Variants in MIB1 observed in about 807,000 individuals in gnomAD.
MIB1 encodes the protein E3 ubiquitin-protein ligase MIB1.
Under a neutral mutation model 124.5 loss-of-function variants are expected in MIB1, and 278 were observed. That is an observed-to-expected ratio of 2.23 (90% confidence interval 2.02 to 2.47). The LOEUF (loss-of-function observed/expected upper bound fraction) is 2.47. Ranked by LOEUF, MIB1 falls within the 30% of genes most tolerant of loss-of-function variation. The probability of loss-of-function intolerance (pLI) is 0.00; values close to 1 mark genes in which losing one functional copy is unlikely to be tolerated. For missense variants in MIB1, 957 were observed against 1,254.4 expected, an observed-to-expected ratio of 0.76 and a Z score of 3.58; for synonymous variants, 446 against 429.4, an observed-to-expected ratio of 1.04 and a Z score of -0.48.
In MIB1 at chr18:21,849,182, CT is replaced by C; in HGVS notation, c.2394-11del. Reference sequence around the variant, plus strand: ...AATAAGATAGGCTTGATTTGAAATACTTTCTTTTATTAGTGGTCAAGTGGGT... The same window carrying C: ...AATAAGATAGGCTTGATTTGAAATACTTCTTTTATTAGTGGTCAAGTGGGT... On this transcript the variant is annotated splice_polypyrimidine_tract_variant and intron_variant, in intron 16 of 20. Coordinates refer to ENST00000261537, the MANE Select transcript of MIB1 (RefSeq NM_020774.4). The C allele has an allele frequency of 6.8e-7, 1 of 1,479,512 alleles. No homozygotes were observed. 91.6% of individuals were successfully genotyped at this position (1,479,512 alleles called of 1,614,324 possible).
In MIB1 at chr18:21,847,136, T is replaced by C. The variant is rs2042142238; in HGVS notation, c.2393+11T>C. On this transcript the variant is annotated intron_variant, in intron 16 of 20. Coordinates refer to ENST00000261537, the MANE Select transcript of MIB1 (RefSeq NM_020774.4). ...TAAGGAAAAAGTCAGGTTTGTATTA[T>C]TTATTATCATAAAACTTAATATTCT... 1 of 1,608,162 alleles carries C rather than the reference T, an allele frequency of 6.2e-7. No individual in the cohort carries two copies. The highest frequency in any genetic ancestry group is 8.5e-7 in the Non-Finnish European group (1 of 1,175,356).
intron 10 of MIB1, among the ~76,000 whole-genome samples, chr18:21,814,580 C>T (rs2041807793): frequency 1.3e-5 from 2 of 151,828 alleles, no homozygotes; most frequent in African/African-American, 4.8e-5. Flanking sequence ...GACCCTGATT[C>T]TTTTTTTATT....
chr18:21,747,992 C>T (rs1865770434), intron 1 of MIB1, among the ~76,000 whole-genome samples: 1 of 152,236 alleles, frequency 6.6e-6, no homozygotes, highest in Admixed American at 6.5e-5. Flanking sequence ...CTGAATCAGA[C>T]ACACTTTTCA....
At chr18:21,707,926 G>A (rs1431006049) in intron 1 of MIB1, among the ~76,000 whole-genome samples, 13 of 152,156 alleles carry the variant, frequency 8.5e-5, no homozygotes, top group Admixed American at 8.5e-4. Context: ...TCAGGGTACC[G>A]ATGTGGTTGG....
At chr18:21,743,773 T>C (rs762976406) in intron 1 of MIB1, among the ~76,000 whole-genome samples, 1 of 152,226 alleles carries the variant, frequency 6.6e-6, no homozygotes, top group Non-Finnish European at 1.5e-5. Flanking sequence ...TATGAGGAAA[T>C]TTAAGTATCT....
rs540781943 is a variant in MIB1, at chr18:21,777,873, A to G, written c.637-230A>G. 3.3e-5 allele frequency among the ~76,000 whole-genome samples: 5 copies of G among 152,288 alleles called. No homozygotes were observed. In the South Asian group the frequency reaches 1.0e-3, roughly 32 times the overall value. The stretch of plus-strand genomic sequence containing the variant: ...GTGTACAGCCAGATTCAGACATTCT[A>G]ATTTTGAGCTTTAAAAGAATGCTGA... On this transcript the variant is annotated intron_variant, in intron 4 of 20. Transcript: ENST00000261537.
At chr18:21,849,473 GT>G in intron 17 of MIB1, 85 bp downstream of exon 17, 1 of 740,448 alleles carries the variant, frequency 1.4e-6, no homozygotes, top group South Asian at 3.3e-5. Context: ...GACATCATGC[GT>G]CTGTGTAATT....
At position 21,842,116 on chromosome 18, in the gene MIB1, A is replaced by G. The variant is rs11083377; in HGVS notation, c.1963-1015A>G. Among the ~76,000 whole-genome samples, 582 of 121,150 alleles carry G rather than the reference A, an allele frequency of 4.8e-3. 16 individuals are homozygous for G. Among genetic ancestry groups the G allele is most frequent in the Middle Eastern group, 9.5e-3 (2 of 210 alleles). The allele number at this position is 121,150 out of a possible 152,430, so 79.5% of individuals were successfully genotyped here. A position where few individuals can be genotyped will look rare whatever the true frequency, so the allele number is the denominator to read the frequency against. On this transcript the variant is annotated intron_variant, in intron 13 of 20. Transcript: ENST00000261537. ...CAAAAAAAAAAAAAAAAAAAAAAAAAAAGAAGAAAAGAAGCTGAGATCAGG... is the reference window on the plus strand; with the variant it reads ...CAAAAAAAAAAAAAAAAAAAAAAAAGAAGAAGAAAAGAAGCTGAGATCAGG...
chr18:21,731,640 G>A (rs867856564), intron 1 of MIB1, among the ~76,000 whole-genome samples: 10 of 150,874 alleles, frequency 6.6e-5, no homozygotes, highest in African/African-American at 2.2e-4. Flanking sequence ...GCTGAGGCAG[G>A]AGAATGGCGT....
At chr18:21,815,081 A>G (rs1433617614) in intron 10 of MIB1, among the ~76,000 whole-genome samples, 4 of 140,164 alleles carry the variant, frequency 2.9e-5, no homozygotes, top group African/African-American at 1.1e-4. Context: ...ATGTATATAT[A>G]TAAATAAATA....
At chr18:21,831,866 G>A (rs1426457445) in intron 12 of MIB1, among the ~76,000 whole-genome samples, 1 of 152,178 alleles carries the variant, frequency 6.6e-6, no homozygotes, top group Non-Finnish European at 1.5e-5. Context: ...AACAAGTGAA[G>A]TCCCTCTGCT....
intron 7 of MIB1, among the ~76,000 whole-genome samples, chr18:21,792,732 T>C (rs2041521632): frequency 6.6e-6 from 1 of 152,174 alleles, no homozygotes; most frequent in South Asian, 2.1e-4. Context: ...GCATCCTTAT[T>C]TTAAAGATGA....
At chr18:21,720,753 A>T (rs989867178) in intron 1 of MIB1, among the ~76,000 whole-genome samples, 2 of 152,178 alleles carry the variant, frequency 1.3e-5, no homozygotes, top group Non-Finnish European at 2.9e-5. Context: ...GTTTGAGATC[A>T]GTCTGGGGAA....
At chr18:21,802,934 G>A (rs1472752552) in intron 9 of MIB1, among the ~76,000 whole-genome samples, 4 of 152,164 alleles carry the variant, frequency 2.6e-5, no homozygotes, top group Non-Finnish European at 4.4e-5. Context: ...CTGTCCTTGA[G>A]TTTGAGTAGT....
At chr18:21,734,139 C>T (rs1360670962) in intron 1 of MIB1, among the ~76,000 whole-genome samples, 2 of 145,962 alleles carry the variant, frequency 1.4e-5, no homozygotes, top group Non-Finnish European at 3.0e-5. Context: ...CAGAGTCTCG[C>T]TCTTTCACCC....
chr18:21,822,204 G>A (rs2041885425), intron 12 of MIB1, among the ~76,000 whole-genome samples: 1 of 152,118 alleles, frequency 6.6e-6, no homozygotes, highest in South Asian at 2.1e-4. Flanking sequence ...AGAGAATTTA[G>A]GATTTATTGA....
In MIB1 at chr18:21,799,861, A is replaced by G. The variant is rs749527340; in HGVS notation, c.1258A>G (p.Lys420Glu). The change falls in exon 9 of 21, where the codon AAG (lysine) becomes GAG (glutamate). Residue 420 changes from lysine to glutamate, a missense_variant. Lys to Glu is a moderately conservative substitution (Grantham distance 56). Coordinates refer to ENST00000261537, the MANE Select transcript of MIB1 (RefSeq NM_020774.4). ...ASGERLSQLL[K>E]KLFETQESGD... ...TACAGAAAGACTCTCACAACTCCTG[A>G]AGAAATTATTTGAAACCCAAGAATC... 6.2e-7 allele frequency: 1 copy of G among 1,611,066 alleles called. No individual in the cohort carries two copies. Among genetic ancestry groups the G allele is most frequent in the Non-Finnish European group, 8.5e-7 (1 of 1,177,972 alleles).
intron 11 of MIB1, 98 bp downstream of exon 11, chr18:21,815,911 C>T (rs1598624684): frequency 1.9e-6 from 2 of 1,064,600 alleles, no homozygotes; most frequent in African/African-American, 1.6e-5. Flanking sequence ...TTACCGTTCT[C>T]ATATGTCATA....
At chr18:21,785,045 C>T (rs2041418645) in intron 6 of MIB1, among the ~76,000 whole-genome samples, 1 of 152,158 alleles carries the variant, frequency 6.6e-6, no homozygotes, top group Non-Finnish European at 1.5e-5. Flanking sequence ...CTGTTGATCT[C>T]TCCGAAAAAT....
Sources: gnomAD v4.1 joint callset for allele counts (sites outside exome capture counted in the v4.1 genomes callset) on GRCh38, gnomAD v4.1.1 for gene constraint, MANE v1.5 for transcripts, NCBI Gene and HGNC (gene_info 2026-07-23, HGNC 2026-07-21) for gene names.